Variants in METAP1D observed in about 807,000 individuals in gnomAD.
METAP1D encodes methionine aminopeptidase 1D, mitochondrial.
METAP1D carries 31 observed loss-of-function variants against 40.5 expected under a neutral mutation model. The ratio of observed to expected loss-of-function variants is 0.77; its 90% CI spans 0.58 to 1.03. The LOEUF is 1.03. METAP1D is among the 50% of genes least tolerant of loss of function. METAP1D has a pLI of 0.00. For synonymous variants in METAP1D, 151 were observed against 146.4 expected, an observed-to-expected ratio of 1.03 and a Z score of -0.22; for missense variants, 411 against 420.7, an observed-to-expected ratio of 0.98 and a Z score of 0.20.
chr2:172,043,557 T>G (rs1396923077), intron 1 of METAP1D, among the ~76,000 whole-genome samples: 1 of 134,124 alleles, frequency 7.5e-6, no homozygotes, highest in African/African-American at 2.6e-5. Flanking sequence ...AAAACTTAAG[T>G]TTTTTAAAGA....
At chr2:172,034,017 C>T (rs1022165042) in intron 1 of METAP1D, among the ~76,000 whole-genome samples, 4 of 138,110 alleles carry the variant, frequency 2.9e-5, no homozygotes, top group South Asian at 4.8e-4. Flanking sequence ...GCGGAGGTTG[C>T]GGCGAGTGGA....
rs186726758 is a variant in METAP1D at position 172,042,182 on chromosome 2, T to C, written c.41-19316T>C. Among the ~76,000 whole-genome samples the C allele has an allele frequency of 7.5e-3, 670 of 89,624 alleles. 147 individuals carry two copies. The highest frequency in any genetic ancestry group is 0.021 in the African/African-American group (638 of 30,094). The allele number at this position is 89,624 out of a possible 152,430, so 58.8% of individuals were successfully genotyped here. The stretch of plus-strand genomic sequence containing the variant: ...ACATGTGTACACATATACATATGTA[T>C]GTGTACATGTGTACACATATACATA... On this transcript the variant is annotated intron_variant, in intron 1 of 9. Coordinates refer to ENST00000315796, the MANE Select transcript of METAP1D (RefSeq NM_199227.3).
intron 1 of METAP1D, among the ~76,000 whole-genome samples, chr2:172,011,474 C>A (rs1350885580): frequency 1.3e-5 from 2 of 151,918 alleles, no homozygotes; most frequent in Admixed American, 1.3e-4. Flanking sequence ...TTAGTAGAGA[C>A]AGGGTTTCAC....
At chr2:172,038,080 G>A (rs1157214063) in intron 1 of METAP1D, among the ~76,000 whole-genome samples, 2 of 152,134 alleles carry the variant, frequency 1.3e-5, no homozygotes, top group African/African-American at 4.8e-5. Flanking sequence ...ATATGTGGTA[G>A]GAAGCAGTAA....
At chr2:172,066,389 C>T in intron 5 of METAP1D, 83 bp downstream of exon 5, 1 of 1,148,446 alleles carries the variant, frequency 8.7e-7, no homozygotes, top group Non-Finnish European at 1.3e-6. Flanking sequence ...AAAATGTGAA[C>T]TGCACCAGTG....
chr2:172,079,967 A>G (rs973367905), intron 8 of METAP1D, among the ~76,000 whole-genome samples, 161 bp from the exon 9 acceptor site: 12 of 152,160 alleles, frequency 7.9e-5, no homozygotes, highest in Non-Finnish European at 2.9e-5. Context: ...ATACTATGTA[A>G]GCAACATCAA....
chr2:172,034,986 C>CTTTTT lies in METAP1D; in HGVS notation c.41-26502_41-26498dup, dbSNP rs66853451. Among the ~76,000 whole-genome samples the CTTTTT allele has an allele frequency of 7.7e-4, 105 of 135,594 alleles. 1 individual carries two copies. The highest frequency in any genetic ancestry group is 2.7e-3 in the African/African-American group (101 of 37,096). 89.0% of individuals were successfully genotyped at this position (135,594 alleles called of 152,430 possible). A position where few individuals can be genotyped will look rare whatever the true frequency, so the allele number is the denominator to read the frequency against. The stretch of plus-strand genomic sequence containing the variant: ...AAACCCTGATTGTTAGAATTTTTTT[C>CTTTTT]TTTTTTTTTTTTTTGTTGTTTTATT... On this transcript the variant is annotated intron_variant, in intron 1 of 9. Coordinates refer to ENST00000315796, the MANE Select transcript of METAP1D (RefSeq NM_199227.3).
intron 1 of METAP1D, among the ~76,000 whole-genome samples, chr2:172,033,321 C>A (rs772203029): frequency 6.6e-6 from 1 of 151,690 alleles, no homozygotes; most frequent in Non-Finnish European, 1.5e-5. Flanking sequence ...TACAATAGAC[C>A]TTATTTGGCT....
chr2:172,065,792 A>G, intron 4 of METAP1D, 40 bp downstream of exon 4: 1 of 1,590,738 alleles, frequency 6.3e-7, no homozygotes, highest in Non-Finnish European at 8.6e-7. Flanking sequence ...TTTGGAAACT[A>G]AAACATGAAG....
chr2:172,078,441 CAGGGGTGGGCCCAG>C (rs1490490863), intron 7 of METAP1D, among the ~76,000 whole-genome samples: 1 of 152,112 alleles, frequency 6.6e-6, no homozygotes, highest in Non-Finnish European at 1.5e-5. Context: ...AGTGAGAAGA[CAGGGGTGGGCCCAG>C]AGGGGTGGGA....
chr2:172,071,090 G>A lies in METAP1D; in HGVS notation c.704+20G>A, dbSNP rs754692897. ...AATCAGGTAAGCCTTACATTGACAA[G>A]TAAAGGGAGGGTTGGCAAATGGTAC... On this transcript the variant is annotated intron_variant, in intron 6 of 9. Coordinates refer to ENST00000315796, the MANE Select transcript of METAP1D (RefSeq NM_199227.3). The A allele has an allele frequency of 1.3e-6, 2 of 1,582,468 alleles. No homozygotes were observed. Among genetic ancestry groups the A allele is most frequent in the Admixed American group, 1.8e-5 (1 of 55,166 alleles).
At position 172,080,342 on chromosome 2, in the gene METAP1D, A is replaced by T; in HGVS notation, c.944A>T (p.Glu315Val). The T allele has an allele frequency of 6.2e-7, 1 of 1,614,070 alleles. No homozygotes were observed. The highest frequency in any genetic ancestry group is 1.1e-5 in the South Asian group (1 of 91,086). Residue 315 changes from glutamate (E) to valine (V), a missense_variant, in exon 10 of 10, where the codon GAG (glutamate) becomes GTG (valine). Physicochemically the swap from Glu to Val is moderately radical, Grantham distance 121. Coordinates refer to ENST00000315796, the MANE Select transcript of METAP1D (RefSeq NM_199227.3). ...SLDNQRSAQF[E>V]HTVLITSRGA... Reference sequence around the variant, plus strand: ...CTGTGTTACAGGTCGGCGCAGTTCGAGCACACGGTTCTGATCACGTCGAGG... The same window carrying T: ...CTGTGTTACAGGTCGGCGCAGTTCGTGCACACGGTTCTGATCACGTCGAGG...
Position 172,060,107 on chromosome 2 carries a change from T to TAATAA in METAP1D, c.41-1387_41-1383dup, listed in dbSNP as rs150748797. Among the ~76,000 whole-genome samples, 5,560 of 151,358 alleles carry TAATAA rather than the reference T, an allele frequency of 0.037. 590 individuals are homozygous for TAATAA. In the East Asian group the frequency reaches 0.44, roughly 12 times the overall value. On this transcript the variant is annotated intron_variant, in intron 1 of 9. Transcript: ENST00000315796. The stretch of plus-strand genomic sequence containing the variant: ...AAAAAGATTGTTCTAAATATGAAAG[T>TAATAA]AATAAAATGAATCAAAATGTCTTCC...
Position 172,065,634 on chromosome 2 carries a change from C to G in METAP1D, c.379C>G (p.Leu127Val), listed in dbSNP as rs1250635183. The G allele has an allele frequency of 2.5e-6, 4 of 1,613,762 alleles. No individual in the cohort carries two copies. The African/African-American group carries it at 4.0e-5, about 16-fold the overall frequency. ...VDMTTEEIDA[L>V]VHREIISHNA... ...CATGACAACTGAAGAGATAGATGCTCTTGTTCATCGGGAAATCATCAGTCA... is the reference window on the plus strand; with the variant it reads ...CATGACAACTGAAGAGATAGATGCTGTTGTTCATCGGGAAATCATCAGTCA... The change falls in exon 4 of 10, where the codon CTT (leucine) becomes GTT (valine). Residue 127 changes from leucine (L) to valine (V), a missense_variant. Leu to Val is a conservative substitution (Grantham distance 32, BLOSUM62 1). Coordinates refer to ENST00000315796, the MANE Select transcript of METAP1D (RefSeq NM_199227.3).
At position 172,014,818 on chromosome 2, in the gene METAP1D, AT is replaced by A. The variant is rs200541340; in HGVS notation, c.40+14818del. 5.3e-3 allele frequency among the ~76,000 whole-genome samples: 803 copies of A among 150,530 alleles called. 8 individuals carry two copies. Among genetic ancestry groups the A allele is most frequent in the African/African-American group, 0.017 (691 of 41,032 alleles). ...CAGGCGCCCGCCAGCACACCCGGCT[AT>A]TTTTTTTTAGTTTTAGTAGAGATGG... On this transcript the variant is annotated intron_variant, in intron 1 of 9. Coordinates refer to ENST00000315796, the MANE Select transcript of METAP1D (RefSeq NM_199227.3).
At chr2:172,013,299 C>G (rs567877637) in intron 1 of METAP1D, among the ~76,000 whole-genome samples, 3 of 152,320 alleles carry the variant, frequency 2.0e-5, no homozygotes, top group African/African-American at 7.2e-5. Context: ...GAAACCCAGC[C>G]TGGCCACCTG....
At chr2:172,067,484 C>A (rs941018716) in intron 5 of METAP1D, among the ~76,000 whole-genome samples, 5 of 152,194 alleles carry the variant, frequency 3.3e-5, no homozygotes, top group Non-Finnish European at 7.4e-5. Flanking sequence ...ACTTGCACCA[C>A]ATACATCCTG....
chr2:172,004,012 C>T (rs140821192), intron 1 of METAP1D, among the ~76,000 whole-genome samples: 167 of 152,172 alleles, frequency 1.1e-3, no homozygotes, highest in African/African-American at 3.6e-3. Flanking sequence ...TCAAGTGATC[C>T]GCCTGCCTCA....
intron 1 of METAP1D, among the ~76,000 whole-genome samples, chr2:172,060,039 A>G (rs1690101055): frequency 6.6e-6 from 1 of 152,136 alleles, no homozygotes; most frequent in South Asian, 2.1e-4. Flanking sequence ...CGACTGAGTG[A>G]GACTCCGTCT....
Sources: gnomAD v4.1 joint callset for allele counts (sites outside exome capture counted in the v4.1 genomes callset) on GRCh38, gnomAD v4.1.1 for gene constraint, MANE v1.5 for transcripts, NCBI Gene and HGNC (gene_info 2026-07-23, HGNC 2026-07-21) for gene names.